Variants in ELOVL5 observed in about 807,000 individuals in gnomAD.
The protein encoded by ELOVL5 is very long chain fatty acid elongase 5.
ELOVL5 carries 8 observed loss-of-function variants against 38.6 expected under a neutral mutation model. The observed-to-expected ratio is 0.21, with a 90% CI of 0.12 to 0.37. ELOVL5 has a LOEUF of 0.37. ELOVL5 is among the 10% of genes least tolerant of loss of function. ELOVL5 has a pLI of 1.00. For missense variants in ELOVL5, 280 were observed against 367.8 expected (o/e 0.76, Z 1.95); for synonymous variants, 127 against 133.7 (o/e 0.95, Z 0.34).
intron 2 of ELOVL5, among the ~76,000 whole-genome samples, chr6:53,294,788 T>C (rs985150024): frequency 2.6e-5 from 4 of 152,172 alleles, no homozygotes; most frequent in Non-Finnish European, 4.4e-5. Context: ...TGAAAAACAA[T>C]GCTGTAATGA....
At chr6:53,301,659 C>T (rs555616493) in intron 1 of ELOVL5, among the ~76,000 whole-genome samples, 5 of 152,318 alleles carry the variant, frequency 3.3e-5, no homozygotes, top group Admixed American at 6.5e-5. Flanking sequence ...TCTTCCAAAG[C>T]TATTCACTAG....
At chr6:53,304,633 C>G (rs878870320) in intron 1 of ELOVL5, among the ~76,000 whole-genome samples, 1 of 150,636 alleles carries the variant, frequency 6.6e-6, no homozygotes, top group African/African-American at 2.5e-5. Flanking sequence ...TGACTCTCAA[C>G]GAGCATGCTG....
At chr6:53,269,656 T>C (rs78000880) in intron 7 of ELOVL5, among the ~76,000 whole-genome samples, 248 of 152,350 alleles carry the variant, frequency 1.6e-3, no homozygotes, top group Non-Finnish European at 2.5e-3. Context: ...CTTGTTCGTC[T>C]TCAAAAGTTC....
chr6:53,326,519 C>T (rs575678903), intron 1 of ELOVL5, among the ~76,000 whole-genome samples: 4 of 152,212 alleles, frequency 2.6e-5, no homozygotes, highest in Admixed American at 2.0e-4. Flanking sequence ...TCCTTGACTC[C>T]GGCAGCTCCC....
intron 2 of ELOVL5, among the ~76,000 whole-genome samples, chr6:53,295,385 A>G (rs535152431): frequency 2.0e-4 from 31 of 152,346 alleles, no homozygotes; most frequent in South Asian, 4.1e-4. Context: ...TGCCACTGAT[A>G]ATGGTGAAAT....
intron 1 of ELOVL5, among the ~76,000 whole-genome samples, chr6:53,304,401 A>C (rs1226277513): frequency 6.6e-6 from 1 of 151,728 alleles, no homozygotes; most frequent in Non-Finnish European, 1.5e-5. Flanking sequence ...AAACAGAAAC[A>C]AAAAATGCAT....
At chr6:53,330,033 A>G (rs1361863048) in intron 1 of ELOVL5, among the ~76,000 whole-genome samples, 2 of 152,200 alleles carry the variant, frequency 1.3e-5, no homozygotes, top group Middle Eastern at 3.2e-3. Context: ...GTCACTTAAC[A>G]ATGGCAATAC....
intron 3 of ELOVL5, among the ~76,000 whole-genome samples, chr6:53,286,932 AC>A (rs1475551908): frequency 6.6e-6 from 1 of 152,236 alleles, no homozygotes; most frequent in Non-Finnish European, 1.5e-5. Flanking sequence ...AAGGGACTGT[AC>A]TTTAGATGCA....
chr6:53,279,979 T>C (rs1766292784), intron 3 of ELOVL5, among the ~76,000 whole-genome samples: 1 of 152,216 alleles, frequency 6.6e-6, no homozygotes, highest in South Asian at 2.1e-4. Flanking sequence ...GACTGACCCC[T>C]GTAGCCCCAC....
At chr6:53,277,312 C>T (rs1766177700) in intron 3 of ELOVL5, among the ~76,000 whole-genome samples, 1 of 152,002 alleles carries the variant, frequency 6.6e-6, no homozygotes, top group South Asian at 2.1e-4. Context: ...TGCCATTTTC[C>T]TTCTGCTTTG....
Position 53,269,164 on chromosome 6 carries a change from T to C in ELOVL5, c.863A>G (p.Glu288Gly). Residue 288 changes from glutamate (E) to glycine (G), a missense_variant, in exon 8 of 8, where the codon GAA becomes GGA. This residue lies in a region of ELOVL5 where 125 missense variants were observed against 158.9 expected (regional missense o/e 0.79). Transcript: ENST00000304434. ...NGHTNSFSPL[E>G]NNVKPRKLRK... is the part of the protein sequence containing the mutation. ...CAGCTTCCTTGGCTTCACATTGTTT[T>C]CCAGGGGTGAAAAGCTGTTGGTGTG... 1 of 1,614,070 alleles carries C rather than the reference T, an allele frequency of 6.2e-7. No individual in the cohort carries two copies. The highest frequency in any genetic ancestry group is 8.5e-7 in the Non-Finnish European group (1 of 1,179,960).
chr6:53,337,491 G>A (rs1769125912), intron 1 of ELOVL5: 1 of 152,192 alleles, frequency 6.6e-6, no homozygotes, highest in South Asian at 2.1e-4. Context: ...AAGGCAACTG[G>A]CCTTCTAAAG....
chr6:53,305,910 C>T (rs1274522999), intron 1 of ELOVL5, among the ~76,000 whole-genome samples: 1 of 151,996 alleles, frequency 6.6e-6, no homozygotes, highest in African/African-American at 2.4e-5. Flanking sequence ...CCAGCCTGGG[C>T]ACCATTGAGC....
intron 3 of ELOVL5, among the ~76,000 whole-genome samples, chr6:53,286,300 A>C (rs1480002580): frequency 6.6e-6 from 1 of 152,162 alleles, no homozygotes. Context: ...AGTGGCTCAC[A>C]CCTGTAATCC....
At chr6:53,270,807 A>G in intron 6 of ELOVL5, 80 bp from the exon 7 acceptor site, 1 of 1,546,664 alleles carries the variant, frequency 6.5e-7, no homozygotes, top group Non-Finnish European at 8.8e-7. Context: ...TTTAACCAGC[A>G]TCACCTAAAT....
intron 1 of ELOVL5, among the ~76,000 whole-genome samples, chr6:53,298,756 C>T (rs914585655): frequency 1.3e-5 from 2 of 152,050 alleles, no homozygotes; most frequent in Non-Finnish European, 2.9e-5. Context: ...AATCAATGTC[C>T]TGTGCATTGT....
chr6:53,334,302 C>A (rs542025693), intron 1 of ELOVL5, among the ~76,000 whole-genome samples: 1 of 152,240 alleles, frequency 6.6e-6, no homozygotes, highest in African/African-American at 2.4e-5. Context: ...GAGACAGAGG[C>A]CACAGCCTGG....
intron 1 of ELOVL5, among the ~76,000 whole-genome samples, chr6:53,341,474 A>G (rs1390755692): frequency 6.6e-6 from 1 of 152,208 alleles, no homozygotes; most frequent in Admixed American, 6.5e-5. Flanking sequence ...TGCCTCTGCC[A>G]CCTACTAGCT....
In ELOVL5 at chr6:53,273,291, A is replaced by G. The variant is rs1266334388; in HGVS notation, c.550T>C (p.Tyr184His). The part of the protein sequence containing the change: ...SFIHVLMYSY[Y>H]GLSSVPSMRP... ...ATGGAAGGGACTGACGACAAACCAT[A>G]GTAAGAGTACATGAGGACGTGGATG... Residue 184 changes from tyrosine (Y) to histidine (H), a missense_variant, in exon 6 of 8, where the codon TAT becomes CAT. Around this residue, in one of 3 missense-constraint regions of ELOVL5, gnomAD observed 125 missense variants for 158.9 expected, o/e 0.79. Transcript: ENST00000304434. 2 of 1,613,834 alleles carry G rather than the reference A, an allele frequency of 1.2e-6. No individual in the cohort carries two copies. Among genetic ancestry groups the G allele is most frequent in the Non-Finnish European group, 1.7e-6 (2 of 1,179,728 alleles).
Sources: gnomAD v4.1 joint callset for allele counts (sites outside exome capture counted in the v4.1 genomes callset) on GRCh38, gnomAD v4.1.1 for gene constraint, gnomAD v4.1.1 regional missense constraint, MANE v1.5 for transcripts, NCBI Gene and HGNC (gene_info 2026-07-23, HGNC 2026-07-21) for gene names.